FOXK1: variants seen among roughly 807,000 people sequenced by gnomAD.
The protein encoded by FOXK1 is forkhead box protein K1.
A neutral mutation model predicts 51.9 loss-of-function variants in FOXK1; 19 were observed. The observed-to-expected ratio is 0.37, with a 90% CI of 0.26 to 0.54. FOXK1 has a LOEUF of 0.54. Ranked by LOEUF, FOXK1 falls within the 20% of genes least tolerant of loss-of-function variation. The pLI, the probability that FOXK1 is intolerant of heterozygous loss-of-function variation, is 0.87. For missense variants in FOXK1, 870 were observed against 1,032.7 expected (o/e 0.84, Z 2.16); for synonymous variants, 537 against 482.6 (o/e 1.11, Z -1.48).
At chr7:4,693,642 C>G (rs1156350524) in intron 1 of FOXK1, among the ~76,000 whole-genome samples, 1 of 152,074 alleles carries the variant, frequency 6.6e-6, no homozygotes, top group East Asian at 1.9e-4. Context: ...GGTGTCCCCT[C>G]CCCTGGAGAA....
In FOXK1 at chr7:4,686,694, A is replaced by G. The variant is rs914045859; in HGVS notation, c.560+3826A>G. Among the ~76,000 whole-genome samples, 6 of 152,134 alleles carry G rather than the reference A, an allele frequency of 3.9e-5. No individual in the cohort carries two copies. In the East Asian group the frequency reaches 5.8e-4, roughly 15 times the overall value. On this transcript the variant is annotated intron_variant, in intron 1 of 8. Transcript: ENST00000328914. Reference sequence around the variant, plus strand: ...AGACCTAGTGCAGGCACTGGCTCCTATTAGGTATGCAACAACTGGGTTCTG... The same window carrying G: ...AGACCTAGTGCAGGCACTGGCTCCTGTTAGGTATGCAACAACTGGGTTCTG...
At chr7:4,750,672 T>C (rs1780763603) in intron 2 of FOXK1, among the ~76,000 whole-genome samples, 1 of 151,596 alleles carries the variant, frequency 6.6e-6, no homozygotes, top group African/African-American at 2.4e-5. Flanking sequence ...ATGGTCTCGA[T>C]CTCCTAACCT....
Position 4,749,530 on chromosome 7 carries a change from C to T in FOXK1, c.747-4929C>T, listed in dbSNP as rs901174243. Among the ~76,000 whole-genome samples the T allele has an allele frequency of 1.3e-5, 2 of 152,198 alleles. No individual in the cohort carries two copies. The highest frequency in any genetic ancestry group is 4.8e-5 in the African/African-American group (2 of 41,454). ...TCATCGCAGACCCCCGCAGCCTTCT[C>T]GCCCCTCCACTGCCCACAAGGCTCC... On this transcript the variant is annotated intron_variant, in intron 2 of 8. Transcript: ENST00000328914. The surrounding 1 kb of genome is among the most constrained non-coding windows in gnomAD (Gnocchi z 6.0).
Position 4,759,095 on chromosome 7 carries a change from G to C in FOXK1, c.1289G>C (p.Arg430Pro). Residue 430 changes from arginine (R) to proline (P), a missense_variant, in exon 6 of 9, where the codon CGC becomes CCC. Around this residue, in one of 3 missense-constraint regions of FOXK1, gnomAD observed 457 missense variants for 510.8 expected, o/e 0.89. Transcript: ENST00000328914. The part of the protein sequence containing the change: ...SPTHPGLMSP[R>P]SGGLQTPECL... Reference sequence around the variant, plus strand: ...ACACACCCCGGGCTGATGTCCCCTCGCTCCGGCGGCCTGCAGACCCCAGAG... The same window carrying C: ...ACACACCCCGGGCTGATGTCCCCTCCCTCCGGCGGCCTGCAGACCCCAGAG... The C allele has an allele frequency of 6.2e-7, 1 of 1,610,716 alleles. No homozygotes were observed. Among genetic ancestry groups the C allele is most frequent in the Non-Finnish European group, 8.5e-7 (1 of 1,179,652 alleles).
intron 1 of FOXK1, among the ~76,000 whole-genome samples, chr7:4,714,981 T>A (rs950852459): frequency 6.6e-6 from 1 of 152,200 alleles, no homozygotes; most frequent in African/African-American, 2.4e-5. Context: ...AACGTGGTTC[T>A]GCATCTTTTT....
chr7:4,688,668 C>G (rs1779851347), intron 1 of FOXK1, among the ~76,000 whole-genome samples: 1 of 152,184 alleles, frequency 6.6e-6, no homozygotes, highest in South Asian at 2.1e-4. Context: ...ATTGCAGCCC[C>G]CACGCCCGGC....
chr7:4,695,773 C>G (rs946415457), intron 1 of FOXK1, among the ~76,000 whole-genome samples: 1 of 151,598 alleles, frequency 6.6e-6, no homozygotes, highest in Non-Finnish European at 1.5e-5. Flanking sequence ...CCCGTCTCTA[C>G]TAAAAATACA....
intron 1 of FOXK1, among the ~76,000 whole-genome samples, chr7:4,714,809 A>T (rs534892304): frequency 2.0e-5 from 3 of 152,160 alleles, no homozygotes; most frequent in Non-Finnish European, 4.4e-5. Flanking sequence ...TCCTTAGAGA[A>T]TCAGTTCCCA....
rs140126045 is a variant in FOXK1, at chr7:4,718,982, T to A, written c.561-21856T>A. ...CCGCCACCACGCCCGGCTAATTTTG[T>A]ATTTTTAGTAGAGACGGGGTTGCAC... is the stretch of plus-strand genomic sequence containing the variant. On this transcript the variant is annotated intron_variant, in intron 1 of 8. Transcript: ENST00000328914. 4.7e-4 allele frequency among the ~76,000 whole-genome samples: 71 copies of A among 151,976 alleles called. No individual in the cohort carries two copies. In the East Asian group the frequency reaches 0.013, roughly 28 times the overall value.
chr7:4,742,687 G>C (rs1780650798), intron 2 of FOXK1, among the ~76,000 whole-genome samples: 1 of 152,190 alleles, frequency 6.6e-6, no homozygotes, highest in Non-Finnish European at 1.5e-5. Flanking sequence ...AAAGTGCTGA[G>C]GTTACAGGTG....
chr7:4,736,414 G>GT (rs1251974538), intron 1 of FOXK1, among the ~76,000 whole-genome samples: 7,923 of 131,138 alleles, frequency 0.06, 237 homozygotes, highest in Middle Eastern at 0.11. Context: ...AATCAGTTTT[G>GT]TTTTTTTTTT....
At position 4,762,046 on chromosome 7, in the gene FOXK1, A is replaced by C. The variant is rs1225598620; in HGVS notation, c.1922-138A>C. On this transcript the variant is annotated intron_variant, in intron 8 of 8. Transcript: ENST00000328914. The surrounding 1 kb of genome is among the most constrained non-coding windows in gnomAD (Gnocchi z 5.7). ...GGCAGGGCCCGCAGGGAGCAGAGCAAGGGTAGCCGTCCTGCCTGGCAGGGG... is the reference window on the plus strand; with the variant it reads ...GGCAGGGCCCGCAGGGAGCAGAGCACGGGTAGCCGTCCTGCCTGGCAGGGG... The C allele has an allele frequency of 2.0e-6, 2 of 992,334 alleles. No homozygotes were observed. The highest frequency in any genetic ancestry group is 2.9e-6 in the Non-Finnish European group (2 of 684,234). 61.5% of individuals were successfully genotyped at this position (992,334 alleles called of 1,614,324 possible).
Position 4,764,772 on chromosome 7 carries a change from A to G in FOXK1, c.*2308A>G, listed in dbSNP as rs796251888. On this transcript the variant is annotated 3_prime_UTR_variant, in exon 9 of 9. Coordinates refer to ENST00000328914, the MANE Select transcript of FOXK1 (RefSeq NM_001037165.2). ...TGGGCCACTGCAGGTTGGCCTCCTCAATACAAGCTGATGTCTGCAGGGAGC... is the reference window on the plus strand; with the variant it reads ...TGGGCCACTGCAGGTTGGCCTCCTCGATACAAGCTGATGTCTGCAGGGAGC... 1.1e-4 allele frequency: 17 copies of G among 152,414 alleles called. No homozygotes were observed. Among genetic ancestry groups the G allele is most frequent in the African/African-American group, 4.1e-4 (17 of 41,548 alleles). 9.4% of individuals were successfully genotyped at this position (152,414 alleles called of 1,614,324 possible).
Position 4,762,514 on chromosome 7 carries a change from G to A in FOXK1, c.*50G>A. Reference sequence around the variant, plus strand: ...GGACTCACCCAGCGGCGACCCCGAAGCTGGACCCGGCAGCTCAGGCGGCCG... The same window carrying A: ...GGACTCACCCAGCGGCGACCCCGAAACTGGACCCGGCAGCTCAGGCGGCCG... On this transcript the variant is annotated 3_prime_UTR_variant, in exon 9 of 9. Coordinates refer to ENST00000328914, the MANE Select transcript of FOXK1 (RefSeq NM_001037165.2). This position sits in a 1 kb window ranked among gnomAD's most constrained non-coding sequence, Gnocchi z 5.7. The A allele has an allele frequency of 6.7e-7, 1 of 1,498,116 alleles. No homozygotes were observed. Among genetic ancestry groups the A allele is most frequent in the African/African-American group, 1.4e-5 (1 of 71,782 alleles). The allele number at this position is 1,498,116 out of a possible 1,614,324, so 92.8% of individuals were successfully genotyped here.
Position 4,763,697 on chromosome 7 carries a change from C to A in FOXK1, c.*1233C>A, listed in dbSNP as rs144645794. 6.6e-6 allele frequency: 1 copy of A among 152,430 alleles called. No individual in the cohort carries two copies. Among genetic ancestry groups the A allele is most frequent in the Non-Finnish European group, 1.5e-5 (1 of 68,096 alleles). The allele number at this position is 152,430 out of a possible 1,614,324, so 9.4% of individuals were successfully genotyped here. A position where few individuals can be genotyped will look rare whatever the true frequency, so the allele number is the denominator to read the frequency against. ...GTGGTTCTGGGGTCCCTGAGGAAGC[C>A]CCCTCCTGCACTTCCATTAAGACAG... On this transcript the variant is annotated 3_prime_UTR_variant, in exon 9 of 9. Coordinates refer to ENST00000328914, the MANE Select transcript of FOXK1 (RefSeq NM_001037165.2).
intron 1 of FOXK1, among the ~76,000 whole-genome samples, chr7:4,719,918 A>G (rs1780287722): frequency 6.6e-6 from 1 of 152,134 alleles, no homozygotes; most frequent in Non-Finnish European, 1.5e-5. Flanking sequence ...CCTGTATTCT[A>G]GATAGGAGTC....
intron 2 of FOXK1, among the ~76,000 whole-genome samples, chr7:4,750,258 T>A (rs73674090): frequency 1.3e-5 from 2 of 151,946 alleles, no homozygotes; most frequent in South Asian, 4.2e-4. Flanking sequence ...GTCCCACACC[T>A]GGGCAGCTAG....
rs1415464177 is a variant in FOXK1 at position 4,707,729 on chromosome 7, G to C, written c.560+24861G>C. On this transcript the variant is annotated intron_variant, in intron 1 of 8. Transcript: ENST00000328914. This position sits in a 1 kb window ranked among gnomAD's most constrained non-coding sequence, Gnocchi z 4.1. ...AGACGGACTCTCTCTCCGTTGCCCA[G>C]GCTGGAGTGCAGTGGCACGATCGTG... 1.3e-5 allele frequency among the ~76,000 whole-genome samples: 2 copies of C among 151,262 alleles called. No homozygotes were observed. The highest frequency in any genetic ancestry group is 2.4e-5 in the African/African-American group (1 of 40,862).
chr7:4,765,740 C>T lies in FOXK1; in HGVS notation c.*3276C>T, dbSNP rs1247531315. On this transcript the variant is annotated 3_prime_UTR_variant, in exon 9 of 9. Transcript: ENST00000328914. ...TGGGCCCAGTAACCCGCTTCTGTCT[C>T]CTGACTCCTGCTGGATAAATTGCCA... The T allele has an allele frequency of 1.3e-5, 2 of 152,296 alleles. No individual in the cohort carries two copies. The highest frequency in any genetic ancestry group is 2.4e-5 in the African/African-American group (1 of 41,462). The allele number at this position is 152,296 out of a possible 1,614,324, so 9.4% of individuals were successfully genotyped here. A position where few individuals can be genotyped will look rare whatever the true frequency, so the allele number is the denominator to read the frequency against.
Sources: allele counts gnomAD v4.1 joint callset (sites outside exome capture counted in the v4.1 genomes callset), GRCh38; gene constraint gnomAD v4.1.1; regional missense constraint gnomAD v4.1.1; non-coding constraint Gnocchi (gnomAD v3.1); transcripts MANE v1.5; gene names NCBI Gene and HGNC (gene_info 2026-07-23, HGNC 2026-07-21).